Variants in DLG5 observed in about 807,000 individuals in gnomAD.
DLG5 encodes disks large homolog 5.
DLG5 carries 48 observed loss-of-function variants against 189.8 expected under a neutral mutation model. That is an observed-to-expected ratio of 0.25 (90% CI 0.20 to 0.32). The LOEUF is 0.32. DLG5 is among the 10% of genes least tolerant of loss of function. The pLI, the probability that DLG5 is intolerant of heterozygous loss-of-function variation, is 1.00. For missense variants in DLG5, 2,160 were observed against 2,544.7 expected, an observed-to-expected ratio of 0.85 and a Z score of 3.25; for synonymous variants, 1,016 against 1,054.1, an observed-to-expected ratio of 0.96 and a Z score of 0.70.
intron 2 of DLG5, chr10:77,867,197 T>C: frequency 2.4e-6 from 1 of 408,790 alleles, no homozygotes; most frequent in Non-Finnish European, 4.9e-6. Flanking sequence ...ATCTTCCTAC[T>C]CAGGCTGGGA....
At chr10:77,905,053 C>T (rs549326876) in intron 1 of DLG5, among the ~76,000 whole-genome samples, 2 of 146,676 alleles carry the variant, frequency 1.4e-5, no homozygotes, top group East Asian at 2.0e-4. Context: ...CACTTGAACC[C>T]GGGAGGCAGA....
At chr10:77,840,757 C>A (rs72815390) in intron 7 of DLG5, among the ~76,000 whole-genome samples, 2,532 of 152,192 alleles carry the variant, frequency 0.017, 39 homozygotes, top group Middle Eastern at 0.027. Context: ...TAGAGAGGTT[C>A]GAGACCACAT....
intron 13 of DLG5, among the ~76,000 whole-genome samples, chr10:77,825,221 A>G (rs528748437): frequency 6.6e-6 from 1 of 152,252 alleles, no homozygotes; most frequent in African/African-American, 2.4e-5. Context: ...AGAGATGGAG[A>G]AAAAATCAGC....
intron 24 of DLG5, 92 bp downstream of exon 24, chr10:77,809,455 G>A (rs948209185): frequency 1.4e-6 from 2 of 1,383,434 alleles, no homozygotes; most frequent in Non-Finnish European, 2.0e-6. Flanking sequence ...ATGAGAGGCT[G>A]TACTCCTCCG....
chr10:77,902,587 G>A (rs998114225), intron 1 of DLG5, among the ~76,000 whole-genome samples: 1 of 151,860 alleles, frequency 6.6e-6, no homozygotes, highest in Non-Finnish European at 1.5e-5. Flanking sequence ...AGGGCCGGGC[G>A]CGGTGGCTCA....
intron 2 of DLG5, chr10:77,868,142 ATCAATT>A (rs771712811): frequency 2.2e-6 from 1 of 454,266 alleles, no homozygotes; most frequent in South Asian, 1.6e-5. Context: ...CTGTGAGACA[ATCAATT>A]TCTGCTGTGT....
In DLG5 at chr10:77,807,919, T is replaced by G. The variant is rs1425291786; in HGVS notation, c.4673A>C (p.Lys1558Thr). The change falls in exon 25 of 32, where the codon AAG becomes ACG. Residue 1558 changes from lysine (K) to threonine (T), a missense_variant. Lys to Thr is a moderately conservative substitution (Grantham distance 78). Around this residue, in one of 5 missense-constraint regions of DLG5, gnomAD observed 574 missense variants for 644.2 expected, o/e 0.89. Transcript: ENST00000372391. Reference protein sequence around the residue: ...LEYGSLDVRNKTVEEVYVEML... With the variant: ...LEYGSLDVRNTTVEEVYVEML... ...CTCCACATAGACTTCCTCCACTGTC[T>G]TGTTCCGCACGTCCAGGCTGCCATA... is the stretch of plus-strand genomic sequence containing the variant. 6 of 1,614,216 alleles carry G rather than the reference T, an allele frequency of 3.7e-6. No homozygotes were observed. The South Asian group carries it at 5.5e-5, about 15-fold the overall frequency.
chr10:77,927,357 TCTGAGAA>T (rs1846734243), upstream of DLG5: 1 of 152,366 alleles, frequency 6.6e-6, no homozygotes, highest in Non-Finnish European at 1.5e-5. Flanking sequence ...AGGGTCCTAA[TCTGAGAA>T]CTCCAAAATA....
In DLG5 at chr10:77,809,730, C is replaced by T; in HGVS notation, c.4464G>A (p.Arg1488=). 1 of 1,608,430 alleles carries T rather than the reference C, an allele frequency of 6.2e-7. No homozygotes were observed. The highest frequency in any genetic ancestry group is 8.5e-7 in the Non-Finnish European group (1 of 1,178,034). Residue 1488 remains arginine (R), a splice_region_variant and synonymous_variant, in exon 24 of 32, where the codon AGG becomes AGA. Transcript: ENST00000372391. The part of the protein sequence containing the change: ...STPPAKQSSS[R]IAGDANKKTL... ...TCTTCTTGTTGGCATCTCCCGCAAT[C>T]CTTTCAGGAAAAAAACAAAGTTCCT... is the stretch of plus-strand genomic sequence containing the variant.
chr10:77,916,699 T>C (rs544487636), intron 1 of DLG5, among the ~76,000 whole-genome samples: 31 of 152,046 alleles, frequency 2.0e-4, no homozygotes, highest in Non-Finnish European at 4.3e-4. Flanking sequence ...GTAAACAGTA[T>C]GGTACCTTCT....
At chr10:77,937,062 C>T in the DLG5 span, among the ~76,000 whole-genome samples, 1 of 152,248 alleles carries the variant, frequency 6.6e-6, no homozygotes, top group South Asian at 2.1e-4. Context: ...TTGTGAGAGT[C>T]ACCTCTTCAG....
At position 77,926,370 on chromosome 10, in the gene DLG5, C is replaced by G; in HGVS notation, c.151G>C (p.Ala51Pro). The change falls in exon 1 of 32, where the codon GCC (alanine) becomes CCC (proline). Residue 51 changes from alanine (A) to proline (P), a missense_variant. By Grantham distance (27) the Ala-to-Pro change is conservative. Transcript: ENST00000372391. The surrounding 1 kb of genome is among the most constrained non-coding windows in gnomAD (Gnocchi z 5.2). Reference sequence around the variant, plus strand: ...AGCTTGAGCAGCAGCTCCGCCTTGGCGCCTCCCGCCTCCTCGTCCAGCTGC... The same window carrying G: ...AGCTTGAGCAGCAGCTCCGCCTTGGGGCCTCCCGCCTCCTCGTCCAGCTGC... ...RRQLDEEAGG[A>P]KAELLLKLLL... 1 of 1,597,224 alleles carries G rather than the reference C, an allele frequency of 6.3e-7. No individual in the cohort carries two copies. The highest frequency in any genetic ancestry group is 8.5e-7 in the Non-Finnish European group (1 of 1,173,884).
intron 5 of DLG5, among the ~76,000 whole-genome samples, chr10:77,847,557 TCC>T (rs2154576501): frequency 6.6e-6 from 1 of 152,256 alleles, no homozygotes; most frequent in African/African-American, 2.4e-5. Flanking sequence ...CATGGTTAAC[TCC>T]GGAGAATCCA....
At position 77,817,006 on chromosome 10, in the gene DLG5, C is replaced by T; in HGVS notation, c.3874+1G>A. On this transcript the variant is annotated splice_donor_variant, in intron 19 of 31. Transcript: ENST00000372391. LOFTEE classifies it high-confidence loss of function. ...AGATGGGAATGTCGAGAAGTCCTTA[C>T]CTCTCTCGGAGCCCACGACACTCCG... 6.2e-7 allele frequency: 1 copy of T among 1,613,812 alleles called. No individual in the cohort carries two copies. Among genetic ancestry groups the T allele is most frequent in the Non-Finnish European group, 8.5e-7 (1 of 1,179,894 alleles).
chr10:77,793,756 C>T (rs1013078107), intron 31 of DLG5: 12 of 535,540 alleles, frequency 2.2e-5, no homozygotes, highest in East Asian at 1.0e-4. Flanking sequence ...CACCACTGCA[C>T]GTGTGAAAAT....
rs372900286 is a variant in DLG5, at chr10:77,796,548, G to A, written c.5211C>T (p.Thr1737=). The A allele has an allele frequency of 5.2e-5, 84 of 1,614,004 alleles. No homozygotes were observed. Among genetic ancestry groups the A allele is most frequent in the Non-Finnish European group, 6.6e-5 (78 of 1,180,044 alleles). ...AYQRVQKVDC[T]ALRPVLILGP... Reference sequence around the variant, plus strand: ...CCAGAATCAGGACAGGCCTCAGAGCGGTGCAGTCCACCTTCTGGACCCGCT... The same window carrying A: ...CCAGAATCAGGACAGGCCTCAGAGCAGTGCAGTCCACCTTCTGGACCCGCT... The change falls in exon 28 of 32, where the codon ACC becomes ACT. Residue 1737 remains threonine, a synonymous_variant. Coordinates refer to ENST00000372391, the MANE Select transcript of DLG5 (RefSeq NM_004747.4). The surrounding 1 kb of genome is among the most constrained non-coding windows in gnomAD (Gnocchi z 5.2).
At chr10:77,858,185 A>AC (rs981921516) in intron 2 of DLG5, among the ~76,000 whole-genome samples, 1 of 151,588 alleles carries the variant, frequency 6.6e-6, no homozygotes, top group Non-Finnish European at 1.5e-5. Context: ...TGACTCCAGC[A>AC]CCCCCTGAAA....
chr10:77,802,567 A>C (rs1211385740), intron 27 of DLG5, among the ~76,000 whole-genome samples: 1 of 152,232 alleles, frequency 6.6e-6, no homozygotes, highest in East Asian at 1.9e-4. Context: ...ACTGAGTCAG[A>C]GTTAAAGTAT....
chr10:77,937,904 G>A, the DLG5 span, among the ~76,000 whole-genome samples: 1 of 134,034 alleles, frequency 7.5e-6, no homozygotes, highest in Admixed American at 8.2e-5. Flanking sequence ...TTTTAGTAGA[G>A]ATGAGGTTTC....
Sources: allele counts gnomAD v4.1 joint callset (sites outside exome capture counted in the v4.1 genomes callset), GRCh38; gene constraint gnomAD v4.1.1; regional missense constraint gnomAD v4.1.1; non-coding constraint Gnocchi (gnomAD v3.1); transcripts MANE v1.5; gene names NCBI Gene and HGNC (gene_info 2026-07-23, HGNC 2026-07-21).